Variants in WDR19 observed in about 807,000 individuals in gnomAD.
WDR19 encodes the protein WD repeat-containing protein 19.
WDR19 carries 121 observed loss-of-function variants against 180.0 expected under a neutral mutation model. That is an observed-to-expected ratio of 0.67 (90% CI 0.58 to 0.78). WDR19 has a LOEUF of 0.78. Ranked by LOEUF, WDR19 falls within the 30% of genes least tolerant of loss-of-function variation. WDR19 has a pLI of 0.00. For missense variants in WDR19, 1,450 were observed against 1,640.7 expected (o/e 0.88, Z 2.01); for synonymous variants, 497 against 540.7 (o/e 0.92, Z 1.12).
intron 19 of WDR19, 48 bp from the exon 20 acceptor site, chr4:39,234,718 C>T (rs557147045): frequency 7.6e-7 from 1 of 1,307,632 alleles, no homozygotes; most frequent in Non-Finnish European, 1.1e-6. Flanking sequence ...GGTAACTTTG[C>T]AAAATAATTT....
intron 14 of WDR19, among the ~76,000 whole-genome samples, chr4:39,222,353 C>T (rs1230090994): frequency 1.3e-5 from 2 of 152,064 alleles, no homozygotes; most frequent in African/African-American, 2.4e-5. Context: ...TTTCTTCCAG[C>T]GCACAGATTG....
At chr4:39,212,864 T>C (rs776938814) in intron 9 of WDR19, among the ~76,000 whole-genome samples, 6 of 152,112 alleles carry the variant, frequency 3.9e-5, no homozygotes, top group Admixed American at 2.0e-4. Context: ...ACGAAAATAA[T>C]ACATTTACTT....
intron 5 of WDR19, 170 bp downstream of exon 5, chr4:39,194,829 T>G (rs1431824096): frequency 5.2e-6 from 3 of 574,168 alleles, no homozygotes; most frequent in Non-Finnish European, 9.3e-6. Context: ...CCCTGTTCAC[T>G]GCTTACTAAG....
chr4:39,199,012 A>G (rs1727089022), intron 5 of WDR19, among the ~76,000 whole-genome samples: 2 of 151,548 alleles, frequency 1.3e-5, no homozygotes, highest in East Asian at 3.9e-4. Flanking sequence ...AAAAAAAAAA[A>G]AAGAATTAGC....
In WDR19 at chr4:39,232,173, C is replaced by G; in HGVS notation, c.2154C>G (p.Asp718Glu). ...GCTTTTATTTGTAGGGAATAGAGGA[C>G]TACAATCTTTTGGCAGGACACCTTG... is the stretch of plus-strand genomic sequence containing the variant. ...MSLEQIKGIE[D>E]YNLLAGHLAM... is the part of the protein sequence containing the mutation. The change falls in exon 19 of 37, where the codon GAC (aspartate) becomes GAG (glutamate). Residue 718 changes from aspartate (D) to glutamate (E), a missense_variant. By Grantham distance (45) the Asp-to-Glu change is conservative (BLOSUM62 2). Transcript: ENST00000399820. 3 of 1,613,166 alleles carry G rather than the reference C, an allele frequency of 1.9e-6. No homozygotes were observed. In the South Asian group the frequency reaches 3.3e-5, roughly 18 times the overall value.
At position 39,284,602 on chromosome 4, in the gene WDR19, G is replaced by C. The variant is rs187927525; in HGVS notation, c.*14-885G>C. ...GATCCTCCCACCTCAGCCTCCCAAA[G>C]AAGTGTTGGGATTACAGCTGTGAAC... is the stretch of plus-strand genomic sequence containing the variant. On this transcript the variant is annotated intron_variant, in intron 36 of 36. Coordinates refer to ENST00000399820, the MANE Select transcript of WDR19 (RefSeq NM_025132.4). Among the ~76,000 whole-genome samples the C allele has an allele frequency of 4.6e-5, 6 of 130,650 alleles. No individual in the cohort carries two copies. In the East Asian group the frequency reaches 1.5e-3, roughly 32 times the overall value. 85.7% of individuals were successfully genotyped at this position (130,650 alleles called of 152,430 possible). A position where few individuals can be genotyped will look rare whatever the true frequency, so the allele number is the denominator to read the frequency against.
At chr4:39,267,894 C>T (rs1734968147) in intron 29 of WDR19, 101 bp from the exon 30 acceptor site, 3 of 1,033,110 alleles carry the variant, frequency 2.9e-6, no homozygotes, top group African/African-American at 1.6e-5. Context: ...TATCAATTCT[C>T]AGTTACTGGC....
At chr4:39,274,783 G>T (rs1735735529) in intron 32 of WDR19, 25 bp from the exon 33 acceptor site, 1 of 1,605,266 alleles carries the variant, frequency 6.2e-7, no homozygotes, top group Admixed American at 1.7e-5. Flanking sequence ...CTGTGCTGTT[G>T]CTGCTCTCCC....
chr4:39,210,327 T>C (rs1728359645), intron 9 of WDR19, among the ~76,000 whole-genome samples: 1 of 152,242 alleles, frequency 6.6e-6, no homozygotes, highest in Non-Finnish European at 1.5e-5. Context: ...TTATACTTCA[T>C]GACCAAGTGT....
At chr4:39,267,294 T>C (rs931978893) in intron 29 of WDR19, among the ~76,000 whole-genome samples, 34 of 152,206 alleles carry the variant, frequency 2.2e-4, no homozygotes, top group African/African-American at 7.7e-4. Context: ...ACGAGGGCAA[T>C]AGAATGTCAC....
chr4:39,283,476 T>C (rs1736788766), intron 36 of WDR19, among the ~76,000 whole-genome samples: 1 of 152,160 alleles, frequency 6.6e-6, no homozygotes, highest in South Asian at 2.1e-4. Context: ...CCACTTTTTG[T>C]TCAGTTCCTC....
At chr4:39,251,340 C>T (rs1485337193) in intron 24 of WDR19, among the ~76,000 whole-genome samples, 2 of 152,188 alleles carry the variant, frequency 1.3e-5, no homozygotes, top group African/African-American at 2.4e-5. Flanking sequence ...CTTCCCCTTA[C>T]ACCTTATACA....
Position 39,270,086 on chromosome 4 carries a change from T to G in WDR19, c.3469T>G (p.Tyr1157Asp), listed in dbSNP as rs908231846. The change falls in exon 31 of 37, where the codon TAT (tyrosine) becomes GAT (aspartate). Residue 1157 changes from tyrosine (Y) to aspartate (D), a missense_variant. Transcript: ENST00000399820. ...MATNLMILHSYILVKIHVKNG... is the reference protein window; with the variant it reads ...MATNLMILHSDILVKIHVKNG... ...CACCAACCTCATGATTCTGCACAGC[T>G]ATATACTAGTAAAGGTGAGGCCCAT... is the stretch of plus-strand genomic sequence containing the variant. 1 of 1,613,840 alleles carries G rather than the reference T, an allele frequency of 6.2e-7. No homozygotes were observed. Among genetic ancestry groups the G allele is most frequent in the Middle Eastern group, 1.6e-4 (1 of 6,062 alleles).
chr4:39,189,961 T>C (rs916570273), intron 4 of WDR19, among the ~76,000 whole-genome samples, 180 bp downstream of exon 4: 2 of 152,336 alleles, frequency 1.3e-5, no homozygotes, highest in Middle Eastern at 3.4e-3. Flanking sequence ...CTGTGAATTA[T>C]AAATAGCTTC....
At chr4:39,234,705 T>C in intron 19 of WDR19, 61 bp from the exon 20 acceptor site, 1 of 1,050,214 alleles carries the variant, frequency 9.5e-7, no homozygotes, top group Non-Finnish European at 1.4e-6. Flanking sequence ...ACTAGCTCTT[T>C]GTGGTAACTT....
chr4:39,195,793 C>T (rs545024124), intron 5 of WDR19, among the ~76,000 whole-genome samples: 76 of 152,246 alleles, frequency 5.0e-4, no homozygotes, highest in Non-Finnish European at 8.8e-4. Flanking sequence ...CCATTCAAGA[C>T]GATCATTTCA....
intron 14 of WDR19, among the ~76,000 whole-genome samples, chr4:39,223,777 C>T (rs990854326): frequency 1.3e-5 from 2 of 152,182 alleles, no homozygotes; most frequent in Non-Finnish European, 2.9e-5. Flanking sequence ...AAAAAGAAAG[C>T]CTTAAAATTG....
rs375560382 is a variant in WDR19, at chr4:39,186,564, G to T, written c.124G>T (p.Asp42Tyr). The T allele has an allele frequency of 4.6e-6, 7 of 1,518,894 alleles. No individual in the cohort carries two copies. Among genetic ancestry groups the T allele is most frequent in the Admixed American group, 1.9e-5 (1 of 51,820 alleles). 94.1% of individuals were successfully genotyped at this position (1,518,894 alleles called of 1,614,324 possible). The change falls in exon 3 of 37, where the codon GAT (aspartate) becomes TAT (tyrosine). Residue 42 changes from aspartate to tyrosine, a missense_variant. Asp to Tyr is a radical substitution (Grantham distance 160, BLOSUM62 -3). Coordinates refer to ENST00000399820, the MANE Select transcript of WDR19 (RefSeq NM_025132.4). Reference protein sequence around the residue: ...TGADYIVKIFDRHGQKRSEIN... With the variant: ...TGADYIVKIFYRHGQKRSEIN... ...AGCTGATTATATTGTGAAAATCTTT[G>T]ATCGCCATGGTCAAAAAAGAAGTGA...
intron 21 of WDR19, among the ~76,000 whole-genome samples, chr4:39,241,228 A>G (rs750380826): frequency 2.6e-5 from 4 of 152,204 alleles, no homozygotes; most frequent in Non-Finnish European, 5.9e-5. Context: ...TTACAAAAGT[A>G]ATGCAACCTC....
Sources: allele counts gnomAD v4.1 joint callset (sites outside exome capture counted in the v4.1 genomes callset), GRCh38; gene constraint gnomAD v4.1.1; transcripts MANE v1.5; gene names NCBI Gene and HGNC (gene_info 2026-07-23, HGNC 2026-07-21).